Variants in KCNH7 observed in about 807,000 individuals in gnomAD.
KCNH7 encodes the protein voltage-gated inwardly rectifying potassium channel KCNH7.
KCNH7 carries 49 observed loss-of-function variants against 120.8 expected under a neutral mutation model. That is an observed-to-expected ratio of 0.41 (90% CI 0.32 to 0.51). KCNH7 has a LOEUF of 0.51. Ranked by LOEUF, KCNH7 falls within the 20% of genes least tolerant of loss-of-function variation. KCNH7 has a pLI of 0.38. For synonymous variants in KCNH7, 547 were observed against 516.1 expected, an observed-to-expected ratio of 1.06 and a Z score of -0.81; for missense variants, 1,097 against 1,446.6, an observed-to-expected ratio of 0.76 and a Z score of 3.92.
intron 12 of KCNH7, among the ~76,000 whole-genome samples, chr2:162,390,067 T>A (rs1342601492): frequency 6.6e-6 from 1 of 151,938 alleles, no homozygotes; most frequent in African/African-American, 2.4e-5. Context: ...GTTACACTGC[T>A]GTCCTCATTG....
chr2:162,384,485 T>A lies in KCNH7; in HGVS notation c.2962+203A>T, dbSNP rs79785328. Among the ~76,000 whole-genome samples the A allele has an allele frequency of 2.4e-3, 366 of 152,096 alleles. 1 individual carries two copies. The highest frequency in any genetic ancestry group is 8.5e-3 in the African/African-American group (353 of 41,564). Reference sequence around the variant, plus strand: ...TTGGTCACGAAAACCTCTCACTCTATAAGTGTTTGGGAATAATTACCACTT... The same window carrying A: ...TTGGTCACGAAAACCTCTCACTCTAAAAGTGTTTGGGAATAATTACCACTT... On this transcript the variant is annotated intron_variant, in intron 13 of 15. Coordinates refer to ENST00000332142, the MANE Select transcript of KCNH7 (RefSeq NM_033272.4).
chr2:162,661,295 A>G (rs1395940073), intron 2 of KCNH7, among the ~76,000 whole-genome samples: 5 of 152,208 alleles, frequency 3.3e-5, no homozygotes, highest in African/African-American at 1.2e-4. Context: ...AAAACAGTTC[A>G]TTCCTGTTTT....
chr2:162,813,559 C>G (rs1383809684), intron 2 of KCNH7, among the ~76,000 whole-genome samples: 1 of 152,162 alleles, frequency 6.6e-6, no homozygotes, highest in Non-Finnish European at 1.5e-5. Context: ...ACTATAAAAC[C>G]ACTGATGGAT....
intron 2 of KCNH7, among the ~76,000 whole-genome samples, chr2:162,775,277 TTTTCA>T (rs748161852): frequency 6.6e-6 from 1 of 152,226 alleles, no homozygotes; most frequent in African/African-American, 2.4e-5. Context: ...TATATTGTAC[TTTTCA>T]TTTCATTATC....
intron 6 of KCNH7, 100 bp downstream of exon 6, chr2:162,504,343 T>C: frequency 1.2e-6 from 1 of 858,630 alleles, no homozygotes; most frequent in Non-Finnish European, 1.9e-6. Flanking sequence ...AAAAAATGTC[T>C]TACCTCTACC....
At chr2:162,443,419 C>T (rs138500728) in intron 7 of KCNH7, among the ~76,000 whole-genome samples, 1 of 152,250 alleles carries the variant, frequency 6.6e-6, no homozygotes, top group East Asian at 1.9e-4. Context: ...AAATGCATTA[C>T]CATTTATAAT....
chr2:162,404,491 T>G (rs914034841), intron 9 of KCNH7, among the ~76,000 whole-genome samples: 1 of 151,940 alleles, frequency 6.6e-6, no homozygotes, highest in African/African-American at 2.4e-5. Flanking sequence ...TGTTTGGTCA[T>G]GGGGGTTGAT....
intron 2 of KCNH7, among the ~76,000 whole-genome samples, chr2:162,602,284 G>A (rs964649508): frequency 1.3e-5 from 2 of 151,990 alleles, no homozygotes; most frequent in African/African-American, 4.8e-5. Context: ...GGGCCTAGAT[G>A]AACTGGAAGG....
chr2:162,807,464 C>CA (rs1028140574), intron 2 of KCNH7, among the ~76,000 whole-genome samples: 1 of 151,416 alleles, frequency 6.6e-6, no homozygotes, highest in Non-Finnish European at 1.5e-5. Context: ...CCCAACAAGA[C>CA]AAAACTCTAA....
chr2:162,722,639 C>T (rs1559100093), intron 2 of KCNH7, among the ~76,000 whole-genome samples: 1 of 151,914 alleles, frequency 6.6e-6, no homozygotes, highest in African/African-American at 2.4e-5. Flanking sequence ...TATCTATTTC[C>T]TTCACCAGAT....
rs1685968860 is a variant in KCNH7 at position 162,372,053 on chromosome 2, T to C, written c.3367A>G (p.Lys1123Glu). 6.2e-7 allele frequency: 1 copy of C among 1,613,206 alleles called. No homozygotes were observed. ...LDLEKSKLKSKESLSSGVHLN... is the reference protein window; with the variant it reads ...LDLEKSKLKSEESLSSGVHLN... Reference sequence around the variant, plus strand: ...TGCACCCCACTTGAAAGGGATTCTTTGGATTTAAGTTTAGATTTTTCAAGG... The same window carrying C: ...TGCACCCCACTTGAAAGGGATTCTTCGGATTTAAGTTTAGATTTTTCAAGG... The change falls in exon 16 of 16, where the codon AAA becomes GAA. Residue 1123 changes from lysine (K) to glutamate (E), a missense_variant. Physicochemically the swap from Lys to Glu is moderately conservative, Grantham distance 56. Transcript: ENST00000332142.
At chr2:162,477,791 T>C (rs1350748000) in intron 6 of KCNH7, among the ~76,000 whole-genome samples, 1 of 151,962 alleles carries the variant, frequency 6.6e-6, no homozygotes. Flanking sequence ...CCTACATTTT[T>C]CTATATAGCC....
At chr2:162,755,007 T>C (rs1688734487) in intron 2 of KCNH7, among the ~76,000 whole-genome samples, 1 of 147,212 alleles carries the variant, frequency 6.8e-6, no homozygotes, top group Admixed American at 6.6e-5. Context: ...TTCCCAGAAA[T>C]ACAAAGCTTC....
At position 162,527,577 on chromosome 2, in the gene KCNH7, G is replaced by C. The variant is rs184907494; in HGVS notation, c.463+9348C>G. Among the ~76,000 whole-genome samples the C allele has an allele frequency of 1.3e-3, 203 of 151,972 alleles. 1 individual carries two copies. The highest frequency in any genetic ancestry group is 2.4e-3 in the Non-Finnish European group (166 of 67,900). On this transcript the variant is annotated intron_variant, in intron 3 of 15. Coordinates refer to ENST00000332142, the MANE Select transcript of KCNH7 (RefSeq NM_033272.4). The stretch of plus-strand genomic sequence containing the variant: ...AATTATCTAGAGTATTGAGTCCAAA[G>C]CATATGAATAAAATTTTAATGGTTT...
chr2:162,805,837 C>T lies in KCNH7; in HGVS notation c.307+30700G>A, dbSNP rs370998144. On this transcript the variant is annotated intron_variant, in intron 2 of 15. Coordinates refer to ENST00000332142, the MANE Select transcript of KCNH7 (RefSeq NM_033272.4). ...CAAAGATATGGAACCAAGTTCAGTGCCCATTCACCAATGAGTGGAAAAAGA... is the reference window on the plus strand; with the variant it reads ...CAAAGATATGGAACCAAGTTCAGTGTCCATTCACCAATGAGTGGAAAAAGA... Among the ~76,000 whole-genome samples the T allele has an allele frequency of 5.3e-5, 8 of 152,164 alleles. No individual in the cohort carries two copies. The East Asian group carries it at 1.5e-3, about 29-fold the overall frequency.
chr2:162,651,109 G>A (rs1364536449), intron 2 of KCNH7, among the ~76,000 whole-genome samples: 1 of 152,120 alleles, frequency 6.6e-6, no homozygotes, highest in Non-Finnish European at 1.5e-5. Flanking sequence ...TTTTTTATTG[G>A]TAAAATGTTC....
Position 162,560,757 on chromosome 2 carries a change from C to G in KCNH7, c.308-23677G>C, listed in dbSNP as rs145802356. On this transcript the variant is annotated intron_variant, in intron 2 of 15. Transcript: ENST00000332142. ...TGATGTGCTTTCATAAACTGATGTGCTTTCATGAACTGTATATTCAAAATA... is the reference window on the plus strand; with the variant it reads ...TGATGTGCTTTCATAAACTGATGTGGTTTCATGAACTGTATATTCAAAATA... 6.6e-5 allele frequency among the ~76,000 whole-genome samples: 10 copies of G among 152,312 alleles called. No homozygotes were observed. In the East Asian group the frequency reaches 1.9e-3, roughly 29 times the overall value.
intron 2 of KCNH7, among the ~76,000 whole-genome samples, chr2:162,759,553 C>T (rs1688899357): frequency 6.6e-6 from 1 of 151,902 alleles, no homozygotes; most frequent in Non-Finnish European, 1.5e-5. Flanking sequence ...ATAGTAAGGG[C>T]ATGTCACAAT....
chr2:162,723,218 T>C (rs1687392603), intron 2 of KCNH7, among the ~76,000 whole-genome samples: 1 of 152,032 alleles, frequency 6.6e-6, no homozygotes, highest in South Asian at 2.1e-4. Context: ...TATTGTTACA[T>C]GCATATTAGT....
Sources: gnomAD v4.1 joint callset for allele counts (sites outside exome capture counted in the v4.1 genomes callset) on GRCh38, gnomAD v4.1.1 for gene constraint, MANE v1.5 for transcripts, NCBI Gene and HGNC (gene_info 2026-07-23, HGNC 2026-07-21) for gene names.